ATP8A1: variants seen among roughly 807,000 people sequenced by gnomAD.
ATP8A1 encodes the protein ATPase phospholipid transporting 8A1.
A neutral mutation model predicts 177.7 loss-of-function variants in ATP8A1; 90 were observed. The ratio of observed to expected loss-of-function variants is 0.51; its 90% CI spans 0.43 to 0.60. The LOEUF (loss-of-function observed/expected upper bound fraction) is 0.60. Ranked by LOEUF, ATP8A1 falls within the 20% of genes least tolerant of loss-of-function variation. The pLI, the probability that ATP8A1 is intolerant of heterozygous loss-of-function variation, is 0.00. For synonymous variants in ATP8A1, 493 were observed against 485.9 expected, an observed-to-expected ratio of 1.01 and a Z score of -0.19; for missense variants, 1,072 against 1,392.8, an observed-to-expected ratio of 0.77 and a Z score of 3.67.
chr4:42,623,388 T>C (rs1374777177), intron 4 of ATP8A1, among the ~76,000 whole-genome samples: 1 of 152,198 alleles, frequency 6.6e-6, no homozygotes, highest in East Asian at 1.9e-4. Flanking sequence ...TAAAGACATA[T>C]GCATATGTAT....
At chr4:42,424,508 A>G (rs1020811949) in intron 33 of ATP8A1, among the ~76,000 whole-genome samples, 2 of 152,194 alleles carry the variant, frequency 1.3e-5, no homozygotes, top group African/African-American at 4.8e-5. Context: ...ATTAAAAAGT[A>G]GCCAACTAAC....
At chr4:42,626,076 G>A (rs4861210) in intron 2 of ATP8A1, 88,261 of 154,192 alleles carry the variant, frequency 0.57, 25,452 homozygotes, top group South Asian at 0.67. Flanking sequence ...CTTGCCAAAA[G>A]AACCCCGAAA....
At chr4:42,491,313 C>T (rs957634487) in intron 24 of ATP8A1, among the ~76,000 whole-genome samples, 1 of 152,116 alleles carries the variant, frequency 6.6e-6, no homozygotes, top group African/African-American at 2.4e-5. Context: ...AAGAAACATG[C>T]TTGGCAGATA....
chr4:42,641,218 G>T (rs1488570560), intron 1 of ATP8A1, among the ~76,000 whole-genome samples: 1 of 152,074 alleles, frequency 6.6e-6, no homozygotes, highest in East Asian at 1.9e-4. Context: ...TAAGTTGAAG[G>T]TTCTATACTA....
At chr4:42,552,402 A>T in intron 17 of ATP8A1, 103 bp downstream of exon 17, 3 of 913,806 alleles carry the variant, frequency 3.3e-6, no homozygotes, top group South Asian at 3.3e-5. Flanking sequence ...AAAAATTTTT[A>T]TCTAAAAAAC....
At chr4:42,544,470 TA>T in intron 19 of ATP8A1, among the ~76,000 whole-genome samples, 1 of 152,196 alleles carries the variant, frequency 6.6e-6, no homozygotes, top group African/African-American at 2.4e-5. Context: ...CATTCACAAC[TA>T]GTTTTTCAAT....
chr4:42,588,408 T>TTTAAAGG, intron 7 of ATP8A1, 79 bp from the exon 8 acceptor site: 1 of 1,182,962 alleles, frequency 8.5e-7, no homozygotes, highest in Non-Finnish European at 1.2e-6. Flanking sequence ...ATGCTCAGAC[T>TTTAAAGG]CACTAAAGCC....
chr4:42,409,056 T>C lies in ATP8A1; in HGVS notation c.*3860A>G. 1 of 152,190 alleles carries C rather than the reference T, an allele frequency of 6.6e-6. No homozygotes were observed. Among genetic ancestry groups the C allele is most frequent in the Admixed American group, 6.5e-5 (1 of 15,282 alleles). The allele number at this position is 152,190 out of a possible 1,614,324, so 9.4% of individuals were successfully genotyped here. A position where few individuals can be genotyped will look rare whatever the true frequency, so the allele number is the denominator to read the frequency against. ...AAATTTCTTTGTAAAATAATCTACT[T>C]ATTAAAAAAGTTGTGCAGAGGACCA... On this transcript the variant is annotated 3_prime_UTR_variant, in exon 37 of 37. Coordinates refer to ENST00000381668, the MANE Select transcript of ATP8A1 (RefSeq NM_006095.2).
Position 42,556,051 on chromosome 4 carries a change from T to TA in ATP8A1, c.1341-12dup, listed in dbSNP as rs755857660. On this transcript the variant is annotated splice_polypyrimidine_tract_variant and intron_variant, in intron 15 of 36. Coordinates refer to ENST00000381668, the MANE Select transcript of ATP8A1 (RefSeq NM_006095.2). Reference sequence around the variant, plus strand: ...AACTGTGAGTTCTGCCTGAAGGGGGTAAAAAATAGAGTAAACCCAGTTCAT... The same window carrying TA: ...AACTGTGAGTTCTGCCTGAAGGGGGTAAAAAAATAGAGTAAACCCAGTTCAT... 19 of 1,600,798 alleles carry TA rather than the reference T, an allele frequency of 1.2e-5. No homozygotes were observed. The highest frequency in any genetic ancestry group is 3.4e-5 in the Admixed American group (2 of 59,166).
At chr4:42,459,508 T>A (rs773411896) in intron 27 of ATP8A1, 1 of 356,780 alleles carries the variant, frequency 2.8e-6, no homozygotes, top group South Asian at 2.4e-5. Flanking sequence ...CTGTATAAAT[T>A]GTTATTTGCT....
At chr4:42,649,034 C>T (rs992991033) in intron 1 of ATP8A1, among the ~76,000 whole-genome samples, 1 of 151,974 alleles carries the variant, frequency 6.6e-6, no homozygotes, top group African/African-American at 2.4e-5. Context: ...TACTTTTGAC[C>T]CAGAAATCCC....
intron 6 of ATP8A1, among the ~76,000 whole-genome samples, chr4:42,591,520 T>C (rs1001701831): frequency 1.3e-5 from 2 of 152,144 alleles, no homozygotes; most frequent in Non-Finnish European, 1.5e-5. Context: ...CTGTAGCCTT[T>C]TGAGTTACTT....
chr4:42,534,783 T>C (rs1245339371), intron 20 of ATP8A1, among the ~76,000 whole-genome samples: 1 of 152,100 alleles, frequency 6.6e-6, no homozygotes, highest in Non-Finnish European at 1.5e-5. Flanking sequence ...AACCTATAAA[T>C]GAAAACCTAT....
intron 5 of ATP8A1, among the ~76,000 whole-genome samples, chr4:42,615,530 C>A (rs1736815677): frequency 6.6e-6 from 1 of 152,040 alleles, no homozygotes; most frequent in African/African-American, 2.4e-5. Context: ...TCAAAATGAG[C>A]CCCATCCAAA....
intron 23 of ATP8A1, among the ~76,000 whole-genome samples, chr4:42,505,489 G>A (rs960351527): frequency 7.2e-5 from 11 of 152,066 alleles, no homozygotes; most frequent in African/African-American, 2.4e-4. Flanking sequence ...ATTTCAATAT[G>A]TTCTGCATTT....
intron 7 of ATP8A1, among the ~76,000 whole-genome samples, chr4:42,589,722 G>T (rs554842723): frequency 4.1e-4 from 62 of 152,110 alleles, no homozygotes; most frequent in Non-Finnish European, 7.1e-4. Flanking sequence ...ATTTACTTAT[G>T]TATACATTTG....
intron 1 of ATP8A1, among the ~76,000 whole-genome samples, chr4:42,636,202 C>A (rs2109529500): frequency 7.2e-6 from 1 of 138,752 alleles, no homozygotes; most frequent in African/African-American, 2.5e-5. Context: ...CAAAACAATT[C>A]TTGGCTGAAT....
intron 5 of ATP8A1, among the ~76,000 whole-genome samples, chr4:42,613,209 G>C (rs1736545176): frequency 6.6e-6 from 1 of 152,028 alleles, no homozygotes; most frequent in Non-Finnish European, 1.5e-5. Flanking sequence ...AAACCAAGAA[G>C]ACCAATACTC....
intron 6 of ATP8A1, among the ~76,000 whole-genome samples, chr4:42,593,708 A>G (rs1478703159): frequency 6.6e-6 from 1 of 152,078 alleles, no homozygotes; most frequent in African/African-American, 2.4e-5. Flanking sequence ...CATTCTTTAA[A>G]GAGTAACAGT....
Sources: allele counts gnomAD v4.1 joint callset (sites outside exome capture counted in the v4.1 genomes callset), GRCh38; gene constraint gnomAD v4.1.1; transcripts MANE v1.5; gene names NCBI Gene and HGNC (gene_info 2026-07-23, HGNC 2026-07-21).